RNF213: variants seen among roughly 807,000 people sequenced by gnomAD.
RNF213 encodes E3 ubiquitin-protein ligase RNF213.
Under a neutral mutation model 514.4 loss-of-function variants are expected in RNF213, and 341 were observed. That is an observed-to-expected ratio of 0.66 (90% CI 0.61 to 0.73). RNF213 has a LOEUF of 0.73. Ranked by LOEUF, RNF213 falls within the 30% of genes least tolerant of loss-of-function variation. RNF213 has a pLI of 0.00. For missense variants in RNF213, 5,767 were observed against 6,615.6 expected, an observed-to-expected ratio of 0.87 and a Z score of 4.45; for synonymous variants, 2,655 against 2,658.2, an observed-to-expected ratio of 1.00 and a Z score of 0.04.
intron 65 of RNF213, 103 bp from the exon 66 acceptor site, chr17:80,389,725 A>C: frequency 1.0e-6 from 1 of 960,796 alleles, no homozygotes; most frequent in Non-Finnish European, 1.7e-6. Flanking sequence ...GGCAGAACGA[A>C]GAGAAGAATG....
intron 14 of RNF213, among the ~76,000 whole-genome samples, chr17:80,309,748 T>TTTTTGTC (rs1374849202): frequency 1.3e-5 from 2 of 149,634 alleles, no homozygotes; most frequent in Non-Finnish European, 2.9e-5. Context: ...ATCAGTTTTT[T>TTTTTGTC]TTTTGTTTTT....
intron 24 of RNF213, 32 bp downstream of exon 24, chr17:80,337,758 G>A (rs972275695): frequency 2.7e-5 from 42 of 1,537,042 alleles, no homozygotes; most frequent in African/African-American, 1.1e-4. Flanking sequence ...GCGCAGCTGC[G>A]GCCCTTCTGC....
At position 80,288,541 on chromosome 17, in the gene RNF213, C is replaced by T. The variant is rs559446649; in HGVS notation, c.811-92C>T. The T allele has an allele frequency of 2.7e-5, 44 of 1,611,282 alleles. No homozygotes were observed. Among genetic ancestry groups the T allele is most frequent in the South Asian group, 4.4e-5 (4 of 90,974 alleles). On this transcript the variant is annotated intron_variant, in intron 4 of 67. Transcript: ENST00000582970. This position sits in a 1 kb window ranked among gnomAD's most constrained non-coding sequence, Gnocchi z 4.9. ...GGGGATGCCAGCCCACCCTGTCCCT[C>T]GGCTTGTGGCAGATGCTGCCCCTTA...
rs2080695029 is a variant in RNF213 at position 80,397,913 on chromosome 17, A to G, written c.*4415A>G. The G allele has an allele frequency of 1.4e-5, 2 of 144,890 alleles. No individual in the cohort carries two copies. Among genetic ancestry groups the G allele is most frequent in the South Asian group, 2.6e-4 (1 of 3,786 alleles). 9.0% of individuals were successfully genotyped at this position (144,890 alleles called of 1,614,324 possible). A position where few individuals can be genotyped will look rare whatever the true frequency, so the allele number is the denominator to read the frequency against. On this transcript the variant is annotated 3_prime_UTR_variant, in exon 68 of 68. Transcript: ENST00000582970. Reference sequence around the variant, plus strand: ...CAGCTTGAGCGACATGGATCCTGAGAGCGCTCTCAGGCAGGCAATTGCCCC... The same window carrying G: ...CAGCTTGAGCGACATGGATCCTGAGGGCGCTCTCAGGCAGGCAATTGCCCC...
chr17:80,286,200 CGGACGCAGGCCGGTGTT>C (rs1044979710), intron 3 of RNF213, among the ~76,000 whole-genome samples: 46 of 150,682 alleles, frequency 3.1e-4, no homozygotes, highest in African/African-American at 1.0e-3. Flanking sequence ...GGGTTGGTGT[CGGACGCAGGCCGGTGTT>C]GGACGCAGGC....
At chr17:80,327,583 C>T (rs1442590676) in intron 18 of RNF213, among the ~76,000 whole-genome samples, 2 of 152,012 alleles carry the variant, frequency 1.3e-5, no homozygotes, top group Non-Finnish European at 2.9e-5. Context: ...TGCGGGAAGT[C>T]ATCTTCTTGG....
intron 37 of RNF213, 79 bp downstream of exon 37, chr17:80,358,558 G>C (rs572531816): frequency 7.4e-7 from 1 of 1,343,700 alleles, no homozygotes. Flanking sequence ...CCCAAGTGCT[G>C]GGTGAAACGC....
At chr17:80,375,918 G>A in intron 51 of RNF213, 48 bp downstream of exon 51, 1 of 1,273,440 alleles carries the variant, frequency 7.9e-7, no homozygotes, top group South Asian at 1.2e-5. Flanking sequence ...GTATTTGGAG[G>A]GATTTTATTG....
rs1380385354 is a variant in RNF213, at chr17:80,377,338, G to A, written c.13510+375G>A. 6.6e-6 allele frequency among the ~76,000 whole-genome samples: 1 copy of A among 151,886 alleles called. No individual in the cohort carries two copies. The highest frequency in any genetic ancestry group is 1.5e-5 in the Non-Finnish European group (1 of 68,014). ...CTGAAATATATGAAATATAGAACCGGGAGACTGACTCATATAACCCATGAC... is the reference window on the plus strand; with the variant it reads ...CTGAAATATATGAAATATAGAACCGAGAGACTGACTCATATAACCCATGAC... On this transcript the variant is annotated intron_variant, in intron 53 of 67. Coordinates refer to ENST00000582970, the MANE Select transcript of RNF213 (RefSeq NM_001256071.3). This position sits in a 1 kb window ranked among gnomAD's most constrained non-coding sequence, Gnocchi z 4.1.
chr17:80,372,987 AG>A lies in RNF213; in HGVS notation c.12765del (p.Lys4256SerfsTer102), dbSNP rs775770911. 1 of 1,613,774 alleles carries A rather than the reference AG, an allele frequency of 6.2e-7. No individual in the cohort carries two copies. Among genetic ancestry groups the A allele is most frequent in the South Asian group, 1.1e-5 (1 of 91,058 alleles). On this transcript the variant is annotated frameshift_variant, in exon 49 of 68. Coordinates refer to ENST00000582970, the MANE Select transcript of RNF213 (RefSeq NM_001256071.3). LOFTEE classifies it high-confidence loss of function. ...GTTGGCCTCTCAGAGATGGCCAAGG[AG>A]AAGCAGTGCTACCTGCAGCAAGTCA... Reference protein sequence around the residue: ...EPEGGPEMAKEKQCYLQQVKQ... With the variant: ...EPEGGPEMAKXKQCYLQQVKQ...
chr17:80,371,258 G>C (rs1199997763), intron 46 of RNF213, among the ~76,000 whole-genome samples: 1 of 152,188 alleles, frequency 6.6e-6, no homozygotes, highest in Non-Finnish European at 1.5e-5. Context: ...ATCACTGTGG[G>C]CACAGCATTA....
chr17:80,386,095 T>C (rs2080224555), intron 61 of RNF213, among the ~76,000 whole-genome samples, 155 bp from the exon 62 acceptor site: 1 of 152,162 alleles, frequency 6.6e-6, no homozygotes, highest in East Asian at 1.9e-4. Context: ...GCTGAAAGCA[T>C]TTGAAACTCT....
chr17:80,356,214 C>T (rs901574948), intron 36 of RNF213, among the ~76,000 whole-genome samples: 3 of 152,224 alleles, frequency 2.0e-5, no homozygotes, highest in Non-Finnish European at 2.9e-5. Context: ...GTTGGCCAGG[C>T]TGGTCTCAAA....
At chr17:80,299,588 A>T (rs1357385170) in intron 11 of RNF213, among the ~76,000 whole-genome samples, 5 of 151,808 alleles carry the variant, frequency 3.3e-5, no homozygotes, top group Non-Finnish European at 1.5e-5. Context: ...TAAGTTCAGG[A>T]GTACATGTGC....
chr17:80,348,170 G>A lies in RNF213; in HGVS notation c.9835G>A (p.Ala3279Thr), dbSNP rs746314463. 7 of 1,614,042 alleles carry A rather than the reference G, an allele frequency of 4.3e-6. No homozygotes were observed. The highest frequency in any genetic ancestry group is 3.3e-4 in the Middle Eastern group (2 of 6,062). ...GAGCGCCTACTCGCTGGGCGGGTTCGCAGCGGAGTGGCTGTCGCAGGAGTA... is the reference window on the plus strand; with the variant it reads ...GAGCGCCTACTCGCTGGGCGGGTTCACAGCGGAGTGGCTGTCGCAGGAGTA... ...RLSAYSLGGF[A>T]AEWLSQEYFH... The change falls in exon 29 of 68, where the codon GCA (alanine) becomes ACA (threonine). Residue 3279 changes from alanine to threonine, a missense_variant. Physicochemically the swap from Ala to Thr is moderately conservative, Grantham distance 58. Around this residue, in one of 13 missense-constraint regions of RNF213, gnomAD observed 919 missense variants for 1,121.0 expected, o/e 0.82. Coordinates refer to ENST00000582970, the MANE Select transcript of RNF213 (RefSeq NM_001256071.3).
Position 80,363,640 on chromosome 17 carries a change from C to G in RNF213, c.11600C>G (p.Thr3867Arg), listed in dbSNP as rs199975233. ...GACGCATTTGCCGCAATGGCCTGCA[C>G]GGAGATGCTGACAAGAAACACCCTG... ...TLDAFAAMAC[T>R]EMLTRNTLKP... The change falls in exon 41 of 68, where the codon ACG (threonine) becomes AGG (arginine). Residue 3867 changes from threonine to arginine, a missense_variant. Physicochemically the swap from Thr to Arg is moderately conservative, Grantham distance 71 (BLOSUM62 -1). Around this residue, in one of 13 missense-constraint regions of RNF213, gnomAD observed 355 missense variants for 358.0 expected, o/e 0.99. Coordinates refer to ENST00000582970, the MANE Select transcript of RNF213 (RefSeq NM_001256071.3). 1 of 1,614,018 alleles carries G rather than the reference C, an allele frequency of 6.2e-7. No individual in the cohort carries two copies. Among genetic ancestry groups the G allele is most frequent in the South Asian group, 1.1e-5 (1 of 91,076 alleles).
intron 20 of RNF213, among the ~76,000 whole-genome samples, chr17:80,331,702 C>T (rs1271684802): frequency 6.6e-6 from 1 of 152,158 alleles, no homozygotes; most frequent in Non-Finnish European, 1.5e-5. Flanking sequence ...TAGTTTATGA[C>T]TTTTTAAATG....
intron 3 of RNF213, among the ~76,000 whole-genome samples, chr17:80,275,054 GGTGT>G (rs2044002567): frequency 7.9e-6 from 1 of 126,348 alleles, no homozygotes; most frequent in Admixed American, 7.8e-5. Flanking sequence ...GGTGTGTGTT[GGTGT>G]GTGAGTTGGG....
chr17:80,345,433 T>TAG lies in RNF213; in HGVS notation c.7099_7100insGA (p.Lys2367ArgfsTer14). On this transcript the variant is annotated frameshift_variant, in exon 29 of 68. Coordinates refer to ENST00000582970, the MANE Select transcript of RNF213 (RefSeq NM_001256071.3). LOFTEE classifies it high-confidence loss of function. This position sits in a 1 kb window ranked among gnomAD's most constrained non-coding sequence, Gnocchi z 6.0. ...GGGTGCCCTTCAATGTCGACTTTGA[T>TAG]AAACTGCCCAGACACAAGAAACTTG... 6.2e-7 allele frequency: 1 copy of TAG among 1,613,456 alleles called. No homozygotes were observed. Among genetic ancestry groups the TAG allele is most frequent in the Non-Finnish European group, 8.5e-7 (1 of 1,179,544 alleles).
Sources: gnomAD v4.1 joint callset for allele counts (sites outside exome capture counted in the v4.1 genomes callset) on GRCh38, gnomAD v4.1.1 for gene constraint, gnomAD v4.1.1 regional missense constraint, Gnocchi (gnomAD v3.1) non-coding constraint, MANE v1.5 for transcripts, NCBI Gene and HGNC (gene_info 2026-07-23, HGNC 2026-07-21) for gene names.